The following PRR16 variants were observed in gnomAD, a reference collection of about 807,000 sequenced individuals.
PRR16 encodes the protein protein Largen.
Under a neutral mutation model 18.2 loss-of-function variants are expected in PRR16, and 6 were observed. That is an observed-to-expected ratio of 0.33 (90% CI 0.18 to 0.65). PRR16 has a LOEUF of 0.65. PRR16 is among the 30% of genes least tolerant of loss of function. The pLI is 0.74. For missense variants in PRR16, 412 were observed against 376.6 expected (o/e 1.09, Z -0.78); for synonymous variants, 151 against 147.8 (o/e 1.02, Z -0.16).
chr5:120,621,412 ATCTCT>A (rs1754685447), intron 1 of PRR16, among the ~76,000 whole-genome samples: 1 of 151,936 alleles, frequency 6.6e-6, no homozygotes, highest in African/African-American at 2.4e-5. Flanking sequence ...AAACCCTGTG[ATCTCT>A]TCTCAGCCAG....
At chr5:120,780,009 A>G in the PRR16 span, among the ~76,000 whole-genome samples, 1 of 152,164 alleles carries the variant, frequency 6.6e-6, no homozygotes, top group Non-Finnish European at 1.5e-5. Context: ...TTGCATATTC[A>G]TTTGTACCTA....
At chr5:120,764,849 G>A in the PRR16 span, among the ~76,000 whole-genome samples, 4 of 152,032 alleles carry the variant, frequency 2.6e-5, no homozygotes, top group East Asian at 1.9e-4. Flanking sequence ...TGGCATTTAT[G>A]GTTCTACTTT....
At chr5:120,630,695 CT>C (rs745855876) in intron 1 of PRR16, among the ~76,000 whole-genome samples, 167 of 152,146 alleles carry the variant, frequency 1.1e-3, no homozygotes, top group Non-Finnish European at 1.9e-3. Flanking sequence ...TAGGTTCCTT[CT>C]TTGATTGAGA....
At chr5:120,614,912 C>G (rs185687421) in intron 1 of PRR16, among the ~76,000 whole-genome samples, 3 of 152,198 alleles carry the variant, frequency 2.0e-5, no homozygotes, top group Admixed American at 6.5e-5. Flanking sequence ...CTGTATTGCC[C>G]GGAGAATATC....
chr5:120,644,282 A>G (rs1755520017), intron 1 of PRR16, among the ~76,000 whole-genome samples: 1 of 152,110 alleles, frequency 6.6e-6, no homozygotes, highest in Non-Finnish European at 1.5e-5. Context: ...TTATTATTTA[A>G]CTTTAACTTA....
chr5:120,494,805 A>G (rs1750188176), intron 1 of PRR16, among the ~76,000 whole-genome samples: 2 of 152,048 alleles, frequency 1.3e-5, no homozygotes, highest in African/African-American at 2.4e-5. Context: ...CGTTTTGCTT[A>G]AGGATGTCCA....
intron 1 of PRR16, among the ~76,000 whole-genome samples, chr5:120,532,053 G>A (rs868363033): frequency 6.4e-4 from 97 of 152,058 alleles, no homozygotes; most frequent in African/African-American, 2.1e-3. Context: ...AAGTTAGCAT[G>A]AGTTGCATTT....
chr5:120,754,516 T>TGTA, the PRR16 span, among the ~76,000 whole-genome samples: 4 of 110,024 alleles, frequency 3.6e-5, no homozygotes, highest in Non-Finnish European at 1.7e-5. Flanking sequence ...GTATATTATA[T>TGTA]ATTATATATT....
At chr5:120,714,001 C>T in the PRR16 span, among the ~76,000 whole-genome samples, 1 of 151,764 alleles carries the variant, frequency 6.6e-6, no homozygotes, top group Admixed American at 6.6e-5. Flanking sequence ...TCCTAGTGTT[C>T]CTAGATTTAT....
intron 1 of PRR16, among the ~76,000 whole-genome samples, chr5:120,601,202 G>A (rs1204455712): frequency 6.6e-6 from 1 of 151,970 alleles, no homozygotes; most frequent in Non-Finnish European, 1.5e-5. Flanking sequence ...ACGTGTATAA[G>A]CATTCCCTCT....
intron 1 of PRR16, among the ~76,000 whole-genome samples, chr5:120,522,275 T>G (rs1751208400): frequency 6.6e-6 from 1 of 152,220 alleles, no homozygotes; most frequent in African/African-American, 2.4e-5. Flanking sequence ...TGAACTAGTT[T>G]ACAGTCCCAC....
chr5:120,514,763 G>C (rs764543700), intron 1 of PRR16, among the ~76,000 whole-genome samples: 3 of 152,082 alleles, frequency 2.0e-5, no homozygotes, highest in Non-Finnish European at 4.4e-5. Context: ...ACCAGATTCT[G>C]ATCACAATAA....
At chr5:120,506,482 T>C (rs974433094) in intron 1 of PRR16, among the ~76,000 whole-genome samples, 1 of 152,146 alleles carries the variant, frequency 6.6e-6, no homozygotes, top group Non-Finnish European at 1.5e-5. Flanking sequence ...CCATGAATTA[T>C]GGAAAACATG....
intron 1 of PRR16, among the ~76,000 whole-genome samples, chr5:120,515,580 G>T (rs1750962562): frequency 6.6e-6 from 1 of 152,012 alleles, no homozygotes; most frequent in Admixed American, 6.6e-5. Context: ...TAACCTCAGG[G>T]ATACCCTACA....
At chr5:120,553,293 G>T (rs564928390) in intron 1 of PRR16, among the ~76,000 whole-genome samples, 1 of 151,758 alleles carries the variant, frequency 6.6e-6, no homozygotes, top group African/African-American at 2.4e-5. Context: ...TTTACAAAGG[G>T]TCTCATGTTA....
chr5:120,553,946 C>T (rs1460343872), intron 1 of PRR16, among the ~76,000 whole-genome samples: 1 of 151,928 alleles, frequency 6.6e-6, no homozygotes, highest in Non-Finnish European at 1.5e-5. Flanking sequence ...CCAACACCTT[C>T]TCTAATCATG....
the PRR16 span, among the ~76,000 whole-genome samples, chr5:120,775,352 CAAT>C: frequency 1.3e-5 from 2 of 151,954 alleles, no homozygotes; most frequent in East Asian, 1.9e-4. Flanking sequence ...AGACCAGAAA[CAAT>C]AATAGGAAAT....
intron 1 of PRR16, among the ~76,000 whole-genome samples, chr5:120,481,899 T>C (rs1749629697): frequency 6.6e-6 from 1 of 152,186 alleles, no homozygotes; most frequent in African/African-American, 2.4e-5. Flanking sequence ...CTAATTTGAT[T>C]TGGTCACAAT....
chr5:120,773,781 A>G, the PRR16 span, among the ~76,000 whole-genome samples: 1 of 152,122 alleles, frequency 6.6e-6, no homozygotes, highest in African/African-American at 2.4e-5. Context: ...ACAAACACAG[A>G]TGTCTAGTTT....
Sources: gnomAD v4.1 joint callset for allele counts (sites outside exome capture counted in the v4.1 genomes callset) on GRCh38, gnomAD v4.1.1 for gene constraint, MANE v1.5 for transcripts, NCBI Gene and HGNC (gene_info 2026-07-23, HGNC 2026-07-21) for gene names.